LGALS3: variants seen among roughly 807,000 people sequenced by gnomAD.
The protein encoded by LGALS3 is galectin 3, also known as galectin-3.
Under a neutral mutation model 20.7 loss-of-function variants are expected in LGALS3, and 18 were observed. That is an observed-to-expected ratio of 0.87 (90% CI 0.60 to 1.29). The LOEUF (loss-of-function observed/expected upper bound fraction) is 1.29, where lower values mean the gene tolerates loss of function less well. Ranked by LOEUF, LGALS3 falls within the 50% of genes most tolerant of loss-of-function variation. The pLI is 0.00. For synonymous variants in LGALS3, 112 were observed against 119.6 expected, an observed-to-expected ratio of 0.94 and a Z score of 0.42; for missense variants, 315 against 314.7, an observed-to-expected ratio of 1.00 and a Z score of -0.01.
intron 5 of LGALS3, among the ~76,000 whole-genome samples, chr14:55,144,091 C>T (rs758101696): frequency 5.3e-5 from 8 of 152,196 alleles, no homozygotes; most frequent in Non-Finnish European, 7.4e-5. Flanking sequence ...CAACATTTGC[C>T]AGAGGAATCC....
Position 55,129,752 on chromosome 14 carries a change from C to A in LGALS3, c.-5+452C>A, listed in dbSNP as rs532444248. On this transcript the variant is annotated intron_variant, in intron 1 of 5. Coordinates refer to ENST00000254301, the MANE Select transcript of LGALS3 (RefSeq NM_002306.4). This position sits in a 1 kb window ranked among gnomAD's most constrained non-coding sequence, Gnocchi z 5.3. ...TCGCTCAGCAAACCAGACGGCCGCT[C>A]CAGTTTCTCTAATTGGGGTTGGAGC... Among the ~76,000 whole-genome samples the A allele has an allele frequency of 2.6e-5, 4 of 152,300 alleles. No individual in the cohort carries two copies. The South Asian group carries it at 8.3e-4, about 32-fold the overall frequency.
At chr14:55,139,382 G>A (rs889604937) in intron 3 of LGALS3, among the ~76,000 whole-genome samples, 1 of 152,226 alleles carries the variant, frequency 6.6e-6, no homozygotes, top group Non-Finnish European at 1.5e-5. Flanking sequence ...GACCATTCTA[G>A]TTCACACTTG....
In LGALS3 at chr14:55,129,631, C is replaced by G. The variant is rs1042828187; in HGVS notation, c.-5+331C>G. Among the ~76,000 whole-genome samples, 2 of 152,210 alleles carry G rather than the reference C, an allele frequency of 1.3e-5. No homozygotes were observed. The highest frequency in any genetic ancestry group is 2.9e-5 in the Non-Finnish European group (2 of 68,026). ...GCCGCCGTCGCACCTCCGCCGCCTGCGCTCTGCGGCCCCAGAGTAAGCCCC... is the reference window on the plus strand; with the variant it reads ...GCCGCCGTCGCACCTCCGCCGCCTGGGCTCTGCGGCCCCAGAGTAAGCCCC... On this transcript the variant is annotated intron_variant, in intron 1 of 5. Transcript: ENST00000254301. This position sits in a 1 kb window ranked among gnomAD's most constrained non-coding sequence, Gnocchi z 5.3.
intron 1 of LGALS3, among the ~76,000 whole-genome samples, chr14:55,135,199 TCTGA>T (rs34665681): frequency 0.066 from 10,026 of 152,048 alleles, 861 homozygotes; most frequent in African/African-American, 0.19. Flanking sequence ...AAAGGTAATG[TCTGA>T]CTATGATATA....
chr14:55,137,110 G>C (rs1244976308), intron 1 of LGALS3: 1 of 564,148 alleles, frequency 1.8e-6, no homozygotes, highest in African/African-American at 1.9e-5. Context: ...GCAGTTAGTG[G>C]GGACAGAGGG....
chr14:55,140,563 T>C (rs1445573900), intron 4 of LGALS3, 200 bp downstream of exon 4: 2 of 480,614 alleles, frequency 4.2e-6, no homozygotes, highest in East Asian at 3.4e-5. Context: ...CCATATAATT[T>C]TGCTAAGCAT....
Position 55,144,546 on chromosome 14 carries a change from A to C in LGALS3, c.598-570A>C, listed in dbSNP as rs1881745903. On this transcript the variant is annotated intron_variant, in intron 5 of 5. Transcript: ENST00000254301. Reference sequence around the variant, plus strand: ...CTGCTTTAAAAAAAAAACCTGAATAACTTGGAATTTTTTTGTTGTTGCTTT... The same window carrying C: ...CTGCTTTAAAAAAAAAACCTGAATACCTTGGAATTTTTTTGTTGTTGCTTT... Among the ~76,000 whole-genome samples, 4 of 151,828 alleles carry C rather than the reference A, an allele frequency of 2.6e-5. No individual in the cohort carries two copies. In the South Asian group the frequency reaches 8.3e-4, roughly 32 times the overall value.
chr14:55,136,215 A>G (rs1326455996), intron 1 of LGALS3, among the ~76,000 whole-genome samples: 6 of 151,842 alleles, frequency 4.0e-5, no homozygotes, highest in Admixed American at 3.9e-4. Context: ...AGCATCTTAG[A>G]CCCAAATATT....
rs752388942 is a variant in LGALS3, at chr14:55,138,368, G to C, written c.342G>C (p.Leu114=). 15 of 1,612,768 alleles carry C rather than the reference G, an allele frequency of 9.3e-6. No homozygotes were observed. In the East Asian group the frequency reaches 3.3e-4, roughly 36 times the overall value. ...CCTATGGCGCCCCTGCTGGGCCACT[G>C]GTGAGATGGCATTCCTTCTTTCATG... is the stretch of plus-strand genomic sequence containing the variant. ...TGPYGAPAGP[L]IVPYNLPLPG... The change falls in exon 3 of 6, where the codon CTG becomes CTC. Residue 114 remains leucine (L), a splice_region_variant and synonymous_variant. Coordinates refer to ENST00000254301, the MANE Select transcript of LGALS3 (RefSeq NM_002306.4).
chr14:55,139,429 G>C (rs1881539455), intron 3 of LGALS3, among the ~76,000 whole-genome samples: 1 of 152,210 alleles, frequency 6.6e-6, no homozygotes, highest in Non-Finnish European at 1.5e-5. Flanking sequence ...CTAGGTGGGA[G>C]GAAGTACAGG....
intron 3 of LGALS3, 101 bp from the exon 4 acceptor site, chr14:55,140,174 G>GT: frequency 1.3e-6 from 1 of 766,672 alleles, no homozygotes; most frequent in Non-Finnish European, 2.2e-6. Flanking sequence ...AGAGTTATGT[G>GT]TTTTTCACAC....
At chr14:55,141,477 A>C (rs1464150313) in intron 4 of LGALS3, among the ~76,000 whole-genome samples, 1 of 152,138 alleles carries the variant, frequency 6.6e-6, no homozygotes, top group Non-Finnish European at 1.5e-5. Flanking sequence ...CACACTGAAT[A>C]CCCAGTTTGG....
At chr14:55,132,419 GTCTC>G (rs1881257935) in intron 1 of LGALS3, among the ~76,000 whole-genome samples, 1 of 151,596 alleles carries the variant, frequency 6.6e-6, no homozygotes. Context: ...TTGATTGTAT[GTCTC>G]TCTCTGTAAA....
At chr14:55,131,415 C>G (rs1405662532) in intron 1 of LGALS3, among the ~76,000 whole-genome samples, 1 of 152,056 alleles carries the variant, frequency 6.6e-6, no homozygotes, top group African/African-American at 2.4e-5. Context: ...TACATAGAAC[C>G]CTCATTAGCC....
intron 1 of LGALS3, among the ~76,000 whole-genome samples, chr14:55,136,312 G>GA (rs796947744): frequency 0.012 from 1,743 of 144,706 alleles, 34 homozygotes; most frequent in African/African-American, 0.042. Context: ...AAGTACCTTT[G>GA]AAAAAAAAAA....
chr14:55,138,718 A>G (rs1013738422), intron 3 of LGALS3, among the ~76,000 whole-genome samples: 1 of 152,258 alleles, frequency 6.6e-6, no homozygotes, highest in Non-Finnish European at 1.5e-5. Context: ...TACTGTTAAT[A>G]ACCCCATTTC....
chr14:55,136,864 G>A (rs1039859495), intron 1 of LGALS3, among the ~76,000 whole-genome samples: 15 of 140,836 alleles, frequency 1.1e-4, no homozygotes, highest in African/African-American at 4.0e-4. Context: ...ATATCTCTGT[G>A]GGCTCAATTG....
chr14:55,137,532 C>T lies in LGALS3; in HGVS notation c.18+141C>T, dbSNP rs576153596. 1.6e-4 allele frequency: 252 copies of T among 1,574,346 alleles called. 1 individual carries two copies. The African/African-American group carries it at 1.7e-3, about 11-fold the overall frequency. On this transcript the variant is annotated intron_variant, in intron 2 of 5. Transcript: ENST00000254301. ...GACTCATTTGTCCAATGAGGGCTTG[C>T]AAGCTGGAGCCTTGTTTTTCCAGCA...
rs1881664770 is a variant in LGALS3 at position 55,142,647 on chromosome 14, G to A, written c.495G>A (p.Glu165=). Reference sequence around the variant, plus strand: ...TCCACTTTAACCCACGCTTCAATGAGAACAACAGGAGAGTCATTGTTTGCA... The same window carrying A: ...TCCACTTTAACCCACGCTTCAATGAAAACAACAGGAGAGTCATTGTTTGCA... ...VAFHFNPRFN[E]NNRRVIVCNT... is the part of the protein sequence containing the mutation. The change falls in exon 5 of 6, where the codon GAG becomes GAA. Residue 165 remains glutamate (E), a synonymous_variant. Transcript: ENST00000254301. 1 of 1,612,930 alleles carries A rather than the reference G, an allele frequency of 6.2e-7. No individual in the cohort carries two copies. The highest frequency in any genetic ancestry group is 1.1e-5 in the South Asian group (1 of 91,062).
Sources: allele counts gnomAD v4.1 joint callset (sites outside exome capture counted in the v4.1 genomes callset), GRCh38; gene constraint gnomAD v4.1.1; non-coding constraint Gnocchi (gnomAD v3.1); transcripts MANE v1.5; gene names NCBI Gene and HGNC (gene_info 2026-07-23, HGNC 2026-07-21).